Variants in ZNF878 observed in about 807,000 individuals in gnomAD.
ZNF878 encodes the protein zinc finger protein 878.
Under a neutral mutation model 11.1 loss-of-function variants are expected in ZNF878, and 10 were observed. The ratio of observed to expected loss-of-function variants is 0.90; its 90% confidence interval spans 0.56 to 1.53. ZNF878 has a LOEUF of 1.53. ZNF878 is among the 40% of genes most tolerant of loss of function. The probability of loss-of-function intolerance (pLI) is 0.00; values close to 1 mark genes in which losing one functional copy is unlikely to be tolerated. For missense variants in ZNF878, 548 were observed against 626.1 expected, an observed-to-expected ratio of 0.88 and a Z score of 1.33; for synonymous variants, 165 against 209.7, an observed-to-expected ratio of 0.79 and a Z score of 1.84.
chr19:12,050,167 G>A (rs543386894), intron 1 of ZNF878, among the ~76,000 whole-genome samples: 2 of 152,316 alleles, frequency 1.3e-5, no homozygotes, highest in East Asian at 1.9e-4. Context: ...GGAGTTTGCA[G>A]TGAGCCAAGA....
At chr19:12,048,555 C>G (rs1024353958) in intron 1 of ZNF878, among the ~76,000 whole-genome samples, 10 of 150,656 alleles carry the variant, frequency 6.6e-5, no homozygotes, top group African/African-American at 2.4e-4. Flanking sequence ...TATGGCAGGC[C>G]TGGCACAGTG....
At chr19:12,046,331 T>G (rs371369056) in intron 3 of ZNF878, 37 bp downstream of exon 3, 7 of 1,431,372 alleles carry the variant, frequency 4.9e-6, no homozygotes, top group Non-Finnish European at 6.7e-6. Context: ...TAAGATTGTA[T>G]ACAGAGACAT....
intron 1 of ZNF878, among the ~76,000 whole-genome samples, chr19:12,051,923 T>C (rs1363503154): frequency 1.3e-5 from 2 of 152,080 alleles, no homozygotes; most frequent in Admixed American, 1.3e-4. Flanking sequence ...TATAAAAATC[T>C]GGTAAAATAA....
intron 2 of ZNF878, 91 bp from the exon 3 acceptor site, chr19:12,046,519 G>A: frequency 1.9e-6 from 3 of 1,556,930 alleles, no homozygotes; most frequent in Non-Finnish European, 2.6e-6. Context: ...CATTGCACCT[G>A]TGTCTCATTT....
intron 1 of ZNF878, among the ~76,000 whole-genome samples, chr19:12,047,561 C>T (rs976498875): frequency 1.4e-5 from 2 of 144,882 alleles, no homozygotes; most frequent in East Asian, 2.0e-4. Flanking sequence ...CAGACTCCAT[C>T]GGTTAAAAAA....
At position 12,046,442 on chromosome 19, in the gene ZNF878, C is replaced by G; in HGVS notation, c.131-14G>C. ...TCCATTTTTTTCCTAAAATGCGGAC[C>G]CAGAAAAATAGTCCTGAATTAGTAT... is the stretch of plus-strand genomic sequence containing the variant. On this transcript the variant is annotated splice_polypyrimidine_tract_variant and intron_variant, in intron 2 of 3. Coordinates refer to ENST00000547628, the MANE Select transcript of ZNF878 (RefSeq NM_001080404.3). 6.4e-7 allele frequency: 1 copy of G among 1,571,914 alleles called. No individual in the cohort carries two copies. The highest frequency in any genetic ancestry group is 8.6e-7 in the Non-Finnish European group (1 of 1,158,952).
intron 1 of ZNF878, 108 bp downstream of exon 1, chr19:12,052,691 G>A (rs1332464865): frequency 1.4e-6 from 2 of 1,394,918 alleles, no homozygotes; most frequent in Non-Finnish European, 1.9e-6. Context: ...GACTGTGTCT[G>A]GAGCCCAGAG....
rs763604091 is a variant in ZNF878, at chr19:12,052,808, GCTT to G, written c.-10_-8del. 5 of 1,535,962 alleles carry G rather than the reference GCTT, an allele frequency of 3.3e-6. No individual in the cohort carries two copies. The South Asian group carries it at 4.8e-5, about 15-fold the overall frequency. On this transcript the variant is annotated 5_prime_UTR_variant, in exon 1 of 4. Transcript: ENST00000547628. ...AGCACCGCATGCTCACCATTTCCTG[GCTT>G]CCAGGTATTCTGGCGTCCTCTCTAA...
chr19:12,046,977 G>A (rs1209959938), intron 1 of ZNF878, among the ~76,000 whole-genome samples: 1 of 152,168 alleles, frequency 6.6e-6, no homozygotes, highest in Non-Finnish European at 1.5e-5. Flanking sequence ...TAAAGCAACA[G>A]CAGAATAGGA....
Position 12,043,960 on chromosome 19 carries a change from A to G in ZNF878, c.1441T>C (p.Cys481Arg). The G allele has an allele frequency of 6.2e-7, 1 of 1,610,914 alleles. No homozygotes were observed. Among genetic ancestry groups the G allele is most frequent in the South Asian group, 1.1e-5 (1 of 90,844 alleles). Residue 481 changes from cysteine (C) to arginine (R), a missense_variant, in exon 4 of 4, where the codon TGT becomes CGT. By Grantham distance (180) the Cys-to-Arg change is radical. This residue lies in a region of ZNF878 where 335 missense variants were observed against 358.2 expected (regional missense o/e 0.94). Transcript: ENST00000547628. Reference sequence around the variant, plus strand: ...ATGAAGGCTTTCCCACACTGTTTACATTTATAGGGTTTCTCTCCAGTGTGA... The same window carrying G: ...ATGAAGGCTTTCCCACACTGTTTACGTTTATAGGGTTTCTCTCCAGTGTGA... ...RTHTGEKPYKCKQCGKAFISS... is the reference protein window; with the variant it reads ...RTHTGEKPYKRKQCGKAFISS...
At chr19:12,043,758 G>A (rs911866302), downstream of ZNF878, 1 of 1,495,694 alleles carries the variant, frequency 6.7e-7, no homozygotes, top group Non-Finnish European at 9.0e-7. Context: ...TTGAAGTTCT[G>A]AGTCCCATCT....
intron 2 of ZNF878, 40 bp from the exon 3 acceptor site, chr19:12,046,468 A>G (rs1243257856): frequency 6.4e-7 from 1 of 1,556,516 alleles, no homozygotes; most frequent in Non-Finnish European, 8.7e-7. Context: ...GAATTAGTAT[A>G]AAATTATTTT....
chr19:12,052,723 C>T, intron 1 of ZNF878, 76 bp downstream of exon 1: 1 of 1,525,358 alleles, frequency 6.6e-7, no homozygotes, highest in Non-Finnish European at 8.8e-7. Context: ...GGGCCCGGGC[C>T]CCGCCACAGC....
intron 3 of ZNF878, among the ~76,000 whole-genome samples, chr19:12,045,812 C>T (rs1028509329): frequency 3.9e-5 from 6 of 151,962 alleles, no homozygotes; most frequent in Non-Finnish European, 8.8e-5. Context: ...CTGCAACCTC[C>T]GCCTCCCAGG....
rs550323343 is a variant in ZNF878, at chr19:12,051,358, A to T, written c.3+1441T>A. Among the ~76,000 whole-genome samples the T allele has an allele frequency of 1.4e-4, 22 of 152,226 alleles. 1 individual carries two copies. The East Asian group carries it at 4.2e-3, about 29-fold the overall frequency. ...TATAATTAATTTAGTTGTACTAATT[A>T]GTTGTATTAAATTAATTGTACAATT... On this transcript the variant is annotated intron_variant, in intron 1 of 3. Transcript: ENST00000547628.
intron 1 of ZNF878, among the ~76,000 whole-genome samples, chr19:12,052,216 T>C (rs1445170303): frequency 6.6e-6 from 1 of 152,154 alleles, no homozygotes; most frequent in Non-Finnish European, 1.5e-5. Flanking sequence ...TGCCTCGGGA[T>C]TGCTTACTCC....
chr19:12,051,576 A>T (rs758351090), intron 1 of ZNF878, among the ~76,000 whole-genome samples: 23 of 151,324 alleles, frequency 1.5e-4, no homozygotes, highest in Non-Finnish European at 3.0e-4. Context: ...GTTCGAGACC[A>T]GCCTGGCCAA....
At position 12,052,879 on chromosome 19, in the gene ZNF878, A is replaced by T; in HGVS notation, c.-78T>A. ...CAGGTCACAGCGCAGTCGACAGAGCAACAGCAGCTACGGCGGAAGTAACTG... is the reference window on the plus strand; with the variant it reads ...CAGGTCACAGCGCAGTCGACAGAGCTACAGCAGCTACGGCGGAAGTAACTG... On this transcript the variant is annotated 5_prime_UTR_variant, in exon 1 of 4. Coordinates refer to ENST00000547628, the MANE Select transcript of ZNF878 (RefSeq NM_001080404.3). The T allele has an allele frequency of 6.6e-7, 1 of 1,524,466 alleles. No homozygotes were observed. Among genetic ancestry groups the T allele is most frequent in the Non-Finnish European group, 8.8e-7 (1 of 1,138,330 alleles). The allele number at this position is 1,524,466 out of a possible 1,614,324, so 94.4% of individuals were successfully genotyped here.
chr19:12,043,913 G>A lies in ZNF878; in HGVS notation c.1488C>T (p.Tyr496=), dbSNP rs1403128714. The part of the protein sequence containing the change: ...KAFISSNSFL[Y]HERIHTGEKP... Reference sequence around the variant, plus strand: ...TCTCTCCAGTATGAATCCTTTCATGGTAGAGAAAAGAGTTGGAAGAAATGA... The same window carrying A: ...TCTCTCCAGTATGAATCCTTTCATGATAGAGAAAAGAGTTGGAAGAAATGA... Residue 496 remains tyrosine (Y), a synonymous_variant, in exon 4 of 4, where the codon TAC becomes TAT. Transcript: ENST00000547628. 2.5e-6 allele frequency: 4 copies of A among 1,610,608 alleles called. No individual in the cohort carries two copies. The highest frequency in any genetic ancestry group is 2.7e-5 in the African/African-American group (2 of 74,204).
Sources: gnomAD v4.1 joint callset for allele counts (sites outside exome capture counted in the v4.1 genomes callset) on GRCh38, gnomAD v4.1.1 for gene constraint, gnomAD v4.1.1 regional missense constraint, MANE v1.5 for transcripts, NCBI Gene and HGNC (gene_info 2026-07-23, HGNC 2026-07-21) for gene names.